CLIP1: variants seen among roughly 807,000 people sequenced by gnomAD.
CLIP1 encodes the protein CAP-Gly domain containing linker protein 1.
In CLIP1, 66 loss-of-function variants were observed where a neutral mutation model predicts 161.6. The observed-to-expected ratio is 0.41, with a 90% CI of 0.33 to 0.50. The LOEUF is 0.50. CLIP1 is among the 20% of genes least tolerant of loss of function. The pLI is 0.27. For synonymous variants in CLIP1, 598 were observed against 626.2 expected, an observed-to-expected ratio of 0.96 and a Z score of 0.67; for missense variants, 1,376 against 1,702.0, an observed-to-expected ratio of 0.81 and a Z score of 3.37.
chr12:122,417,673 T>C (rs1268770339), intron 1 of CLIP1, among the ~76,000 whole-genome samples: 4 of 151,808 alleles, frequency 2.6e-5, no homozygotes, highest in East Asian at 1.9e-4. Flanking sequence ...CCACCAAGCC[T>C]GGCTAATTTT....
intron 11 of CLIP1, among the ~76,000 whole-genome samples, chr12:122,337,116 C>T (rs370373994): frequency 1.3e-5 from 2 of 151,730 alleles, no homozygotes; most frequent in Admixed American, 1.3e-4. Flanking sequence ...ATTACAGGCA[C>T]GTGCCACTAC....
chr12:122,276,585 G>T, intron 24 of CLIP1: 1 of 918,184 alleles, frequency 1.1e-6, no homozygotes, highest in Non-Finnish European at 1.4e-6. Context: ...TTTGTACAGT[G>T]TTGAATCGTT....
chr12:122,420,037 T>A (rs779938172), intron 1 of CLIP1, among the ~76,000 whole-genome samples: 105 of 148,600 alleles, frequency 7.1e-4, no homozygotes, highest in Non-Finnish European at 1.3e-3. Context: ...GTAAAAAAAA[T>A]TTTTTTTAAG....
rs1449889228 is a variant in CLIP1, at chr12:122,360,908, G to T, written c.1005+51C>A. On this transcript the variant is annotated intron_variant, in intron 5 of 25. Transcript: ENST00000620786. Reference sequence around the variant, plus strand: ...AGCAAAGCAGGGGCACTGACCACGGGCCTTAATCCTGCCTGGGAAGTGGAG... The same window carrying T: ...AGCAAAGCAGGGGCACTGACCACGGTCCTTAATCCTGCCTGGGAAGTGGAG... 6 of 1,470,614 alleles carry T rather than the reference G, an allele frequency of 4.1e-6. No individual in the cohort carries two copies. The South Asian group carries it at 4.9e-5, about 12-fold the overall frequency. 91.1% of individuals were successfully genotyped at this position (1,470,614 alleles called of 1,614,324 possible). A position where few individuals can be genotyped will look rare whatever the true frequency, so the allele number is the denominator to read the frequency against.
intron 24 of CLIP1, chr12:122,274,760 A>C (rs1592949512): frequency 6.6e-6 from 1 of 152,292 alleles, no homozygotes; most frequent in South Asian, 2.1e-4. Context: ...GGATGGTCTC[A>C]AACTCCTGAC....
intron 20 of CLIP1, among the ~76,000 whole-genome samples, chr12:122,309,224 A>T (rs966588749): frequency 6.6e-6 from 1 of 152,246 alleles, no homozygotes; most frequent in African/African-American, 2.4e-5. Context: ...GCCAGTTGTA[A>T]CATATATTCT....
rs1566198620 is a variant in CLIP1, at chr12:122,379,943, T to TAAAAAAAAAAAAA, written c.85+424_85+425insTTTTTTTTTTTTT. Among the ~76,000 whole-genome samples, 22 of 70,406 alleles carry TAAAAAAAAAAAAA rather than the reference T, an allele frequency of 3.1e-4. 2 individuals are homozygous for TAAAAAAAAAAAAA. The highest frequency in any genetic ancestry group is 2.7e-3 in the East Asian group (5 of 1,848). The allele number at this position is 70,406 out of a possible 152,430, so 46.2% of individuals were successfully genotyped here. A position where few individuals can be genotyped will look rare whatever the true frequency, so the allele number is the denominator to read the frequency against. ...TGGGGAATAGAGCAAGACTCCATCTTTAAAAAAAAAAAAAAAAAATGCAAG... is the reference window on the plus strand; with the variant it reads ...TGGGGAATAGAGCAAGACTCCATCTTAAAAAAAAAAAAATAAAAAAAAAAAAAAAAAATGCAAG... On this transcript the variant is annotated intron_variant, in intron 2 of 25. Coordinates refer to ENST00000620786, the MANE Select transcript of CLIP1 (RefSeq NM_001247997.2).
At chr12:122,417,802 G>A (rs538339961) in intron 1 of CLIP1, among the ~76,000 whole-genome samples, 15 of 152,112 alleles carry the variant, frequency 9.9e-5, no homozygotes, top group Middle Eastern at 3.4e-3. Flanking sequence ...GTGAGCTACC[G>A]CGCCCGGCCA....
chr12:122,421,769 C>T (rs2137259581), intron 1 of CLIP1, among the ~76,000 whole-genome samples: 1 of 152,320 alleles, frequency 6.6e-6, no homozygotes, highest in East Asian at 1.9e-4. Flanking sequence ...CGAATCAAAA[C>T]CCGATTTTTG....
intron 8 of CLIP1, among the ~76,000 whole-genome samples, chr12:122,351,527 T>C (rs1216047883): frequency 6.6e-6 from 1 of 152,210 alleles, no homozygotes; most frequent in Non-Finnish European, 1.5e-5. Context: ...ATGCCCCCCT[T>C]GCTCTTTGTT....
At chr12:122,335,739 A>G (rs1245396152) in intron 12 of CLIP1, among the ~76,000 whole-genome samples, 1 of 151,980 alleles carries the variant, frequency 6.6e-6, no homozygotes, top group Non-Finnish European at 1.5e-5. Context: ...CCTGGGAGGC[A>G]GAGGCTGCAG....
chr12:122,387,626 G>C (rs1955385869), intron 1 of CLIP1, among the ~76,000 whole-genome samples: 1 of 113,786 alleles, frequency 8.8e-6, no homozygotes, highest in Non-Finnish European at 1.7e-5. Flanking sequence ...TAGAAACAAG[G>C]TCTTGCTCTG....
chr12:122,272,651 A>G lies in CLIP1; in HGVS notation c.*224T>C. 1.9e-6 allele frequency: 1 copy of G among 527,954 alleles called. No homozygotes were observed. The highest frequency in any genetic ancestry group is 3.4e-6 in the Non-Finnish European group (1 of 294,726). The allele number at this position is 527,954 out of a possible 1,614,324, so 32.7% of individuals were successfully genotyped here. Reference sequence around the variant, plus strand: ...AATGTCTTCAAACGTAAAAATCAAGAAAACAAAATTCGAGGTGAAAACTCA... The same window carrying G: ...AATGTCTTCAAACGTAAAAATCAAGGAAACAAAATTCGAGGTGAAAACTCA... On this transcript the variant is annotated 3_prime_UTR_variant, in exon 26 of 26. Coordinates refer to ENST00000620786, the MANE Select transcript of CLIP1 (RefSeq NM_001247997.2).
chr12:122,284,763 T>A (rs1184156725), intron 21 of CLIP1, among the ~76,000 whole-genome samples: 1 of 152,146 alleles, frequency 6.6e-6, no homozygotes, highest in Non-Finnish European at 1.5e-5. Flanking sequence ...GTACATCATC[T>A]CTTTTTTAAA....
intron 20 of CLIP1, among the ~76,000 whole-genome samples, chr12:122,301,434 G>A (rs956138529): frequency 4.6e-5 from 7 of 152,208 alleles, no homozygotes; most frequent in Non-Finnish European, 4.4e-5. Context: ...ACTTTGGGAG[G>A]CCGAGGCGAG....
chr12:122,336,643 G>T lies in CLIP1; in HGVS notation c.2557C>A (p.Leu853Ile). Residue 853 changes from leucine (L) to isoleucine (I), a missense_variant, in exon 12 of 26, where the codon CTT becomes ATT. By Grantham distance (5) the Leu-to-Ile change is conservative. This residue lies in a region of CLIP1 where 948 missense variants were observed against 1,134.8 expected (regional missense o/e 0.84). Coordinates refer to ENST00000620786, the MANE Select transcript of CLIP1 (RefSeq NM_001247997.2). Reference protein sequence around the residue: ...SQVKETLEKELQILKEKFAEA... With the variant: ...SQVKETLEKEIQILKEKFAEA... The stretch of plus-strand genomic sequence containing the variant: ...CAACAGGTACTTACCAAAATCTGAA[G>T]TTCTTTTTCCAAAGTCTCTTTCACT... 1 of 1,591,538 alleles carries T rather than the reference G, an allele frequency of 6.3e-7. No individual in the cohort carries two copies. The highest frequency in any genetic ancestry group is 8.6e-7 in the Non-Finnish European group (1 of 1,161,668).
intron 1 of CLIP1, among the ~76,000 whole-genome samples, chr12:122,402,959 A>G (rs558540970): frequency 4.6e-5 from 7 of 152,182 alleles, no homozygotes; most frequent in Non-Finnish European, 1.0e-4. Flanking sequence ...TCACGTGCTC[A>G]ATACGTGATT....
Position 122,272,360 on chromosome 12 carries a change from G to A in CLIP1, c.*515C>T, listed in dbSNP as rs1416103990. On this transcript the variant is annotated 3_prime_UTR_variant, in exon 26 of 26. Transcript: ENST00000620786. ...TGAAGTAAAGGCACTACTGATAACA[G>A]GTAGTGCAAAGAGCTCAGATATTTC... 6.3e-6 allele frequency: 1 copy of A among 158,502 alleles called. No individual in the cohort carries two copies. Among genetic ancestry groups the A allele is most frequent in the Non-Finnish European group, 1.4e-5 (1 of 71,688 alleles). The allele number at this position is 158,502 out of a possible 1,614,324, so 9.8% of individuals were successfully genotyped here. A position where few individuals can be genotyped will look rare whatever the true frequency, so the allele number is the denominator to read the frequency against.
chr12:122,318,002 A>G (rs1427694356), intron 18 of CLIP1, among the ~76,000 whole-genome samples: 1 of 152,310 alleles, frequency 6.6e-6, no homozygotes, highest in East Asian at 1.9e-4. Flanking sequence ...TGATTTTTTA[A>G]TGCTTTTATA....
Sources: gnomAD v4.1 joint callset for allele counts (sites outside exome capture counted in the v4.1 genomes callset) on GRCh38, gnomAD v4.1.1 for gene constraint, gnomAD v4.1.1 regional missense constraint, MANE v1.5 for transcripts, NCBI Gene and HGNC (gene_info 2026-07-23, HGNC 2026-07-21) for gene names.